The following BAZ2A variants were observed in gnomAD, a reference collection of about 807,000 sequenced individuals.
BAZ2A encodes the protein bromodomain adjacent to zinc finger domain protein 2A.
Under a neutral mutation model 199.9 loss-of-function variants are expected in BAZ2A, and 34 were observed. The observed-to-expected ratio is 0.17, with a 90% confidence interval of 0.13 to 0.23. The LOEUF (loss-of-function observed/expected upper bound fraction) is 0.23. Ranked by LOEUF, BAZ2A falls within the 10% of genes least tolerant of loss-of-function variation. BAZ2A has a pLI of 1.00. For synonymous variants in BAZ2A, 857 were observed against 883.9 expected (o/e 0.97, Z 0.54); for missense variants, 2,002 against 2,391.1 (o/e 0.84, Z 3.39).
upstream of BAZ2A, among the ~76,000 whole-genome samples, chr12:56,634,322 GGTTCTGGGGGAGGGGCCTTCCTA>G (rs1951392397): frequency 6.6e-6 from 1 of 152,122 alleles, no homozygotes. Context: ...CCAGCTCCCA[GGTTCTGGGGGAGGGGCCTTCCTA>G]GGCTGCACCG....
chr12:56,634,798 T>G, upstream of BAZ2A: 1 of 689,230 alleles, frequency 1.5e-6, no homozygotes, highest in Non-Finnish European at 1.8e-6. Context: ...AATGGGCGAG[T>G]AGATAGTTCA....
chr12:56,600,932 A>C lies in BAZ2A; in HGVS notation c.4450+11T>G. On this transcript the variant is annotated intron_variant, in intron 22 of 28. Transcript: ENST00000549884. ...CTCTTCAGCTCAAGCTGGGTGTAGG[A>C]ATGTATTTACCAGCTGAGGGCCGCA... is the stretch of plus-strand genomic sequence containing the variant. 6.2e-7 allele frequency: 1 copy of C among 1,613,490 alleles called. No homozygotes were observed. Among genetic ancestry groups the C allele is most frequent in the Non-Finnish European group, 8.5e-7 (1 of 1,179,642 alleles).
chr12:56,629,169 C>T (rs1467996195), intron 1 of BAZ2A, among the ~76,000 whole-genome samples: 2 of 152,168 alleles, frequency 1.3e-5, no homozygotes, highest in African/African-American at 4.8e-5. Context: ...AGCAAACGCA[C>T]AGCTGCCATT....
At position 56,603,735 on chromosome 12, in the gene BAZ2A, A is replaced by G. The variant is rs1193592405; in HGVS notation, c.3039-35T>C. The G allele has an allele frequency of 3.1e-6, 5 of 1,610,116 alleles. No individual in the cohort carries two copies. The African/African-American group carries it at 6.7e-5, about 22-fold the overall frequency. Reference sequence around the variant, plus strand: ...GATGGAGAAAGATTAAGGGAAGGCCAAGTGTGGTGGCTCACACCTGTAATT... The same window carrying G: ...GATGGAGAAAGATTAAGGGAAGGCCGAGTGTGGTGGCTCACACCTGTAATT... On this transcript the variant is annotated intron_variant, in intron 16 of 28. Coordinates refer to ENST00000549884, the MANE Select transcript of BAZ2A (RefSeq NM_001300905.2).
In BAZ2A at chr12:56,604,718, T is replaced by C. The variant is rs751874799; in HGVS notation, c.2830A>G (p.Met944Val). 1 of 1,613,776 alleles carries C rather than the reference T, an allele frequency of 6.2e-7. No individual in the cohort carries two copies. The highest frequency in any genetic ancestry group is 1.1e-5 in the South Asian group (1 of 91,014). Residue 944 changes from methionine (M) to valine (V), a missense_variant, in exon 15 of 29, where the codon ATG (methionine) becomes GTG (valine). Around this residue, in one of 6 missense-constraint regions of BAZ2A, gnomAD observed 1,081 missense variants for 1,274.7 expected, o/e 0.85. Transcript: ENST00000549884. ...NVSEILRCFLMAYGVEPALCD... is the reference protein window; with the variant it reads ...NVSEILRCFLVAYGVEPALCD... ...AGGGCTGGCTCTACTCCATATGCCA[T>C]AAGGAAGCAGCGCAGGATCTCTGAC...
chr12:56,613,635 A>C (rs768355301), intron 4 of BAZ2A, among the ~76,000 whole-genome samples: 1 of 152,242 alleles, frequency 6.6e-6, no homozygotes, highest in Non-Finnish European at 1.5e-5. Flanking sequence ...CTGCTCACTG[A>C]CAAATGTTTT....
In BAZ2A at chr12:56,605,783, G is replaced by GAA. The variant is rs1479291816; in HGVS notation, c.2493+45_2493+46dup. ...AGAAGTCCTTTTTTTTTTTTTAAAG[G>GAA]AAAGTCTTCCCAGCTGACCCAGGAA... On this transcript the variant is annotated intron_variant, in intron 13 of 28. Transcript: ENST00000549884. 5.3e-6 allele frequency: 8 copies of GAA among 1,499,166 alleles called. No individual in the cohort carries two copies. The Admixed American group carries it at 9.5e-5, about 18-fold the overall frequency. The allele number at this position is 1,499,166 out of a possible 1,614,324, so 92.9% of individuals were successfully genotyped here.
chr12:56,596,149 T>C lies in BAZ2A; in HGVS notation c.*2469A>G. On this transcript the variant is annotated 3_prime_UTR_variant, in exon 29 of 29. Transcript: ENST00000549884. ...TCAAAAAGTCACTAAAACACCACAT[T>C]TGGTTATATAAAAAGTCCCTTTTGC... 1 of 152,726 alleles carries C rather than the reference T, an allele frequency of 6.5e-6. No individual in the cohort carries two copies. The highest frequency in any genetic ancestry group is 1.5e-5 in the Non-Finnish European group (1 of 68,058). The allele number at this position is 152,726 out of a possible 1,614,324, so 9.5% of individuals were successfully genotyped here.
chr12:56,605,964 TCAC>T lies in BAZ2A; in HGVS notation c.2356_2358del (p.Val786del). 6.4e-7 allele frequency: 1 copy of T among 1,554,802 alleles called. No homozygotes were observed. Among genetic ancestry groups the T allele is most frequent in the East Asian group, 2.4e-5 (1 of 41,118 alleles). On this transcript the variant is annotated inframe_deletion, in exon 13 of 29. Transcript: ENST00000549884. Reference sequence around the variant, plus strand: ...GCTTTACAGGCTGGCTTGGCTTTGGTCACCTCCTCCTTTTCCTTCATTTTTACC... The same window carrying T: ...GCTTTACAGGCTGGCTTGGCTTTGGTCTCCTCCTTTTCCTTCATTTTTACC...
At position 56,606,735 on chromosome 12, in the gene BAZ2A, T is replaced by C. The variant is rs1350447735; in HGVS notation, c.2093-2A>G. On this transcript the variant is annotated splice_acceptor_variant, in intron 10 of 28. Transcript: ENST00000549884. LOFTEE classifies it high-confidence loss of function. Reference sequence around the variant, plus strand: ...CTTTATCCTCCTCATTCAATGTTTCTGTGAGAGCAGAAAGAAAAATGAAAC... The same window carrying C: ...CTTTATCCTCCTCATTCAATGTTTCCGTGAGAGCAGAAAGAAAAATGAAAC... The C allele has an allele frequency of 6.2e-7, 1 of 1,612,754 alleles. No homozygotes were observed. The highest frequency in any genetic ancestry group is 2.2e-5 in the East Asian group (1 of 44,866).
Position 56,630,233 on chromosome 12 carries a change from AG to A in BAZ2A, c.-112del. 1.1e-6 allele frequency: 1 copy of A among 921,044 alleles called. No individual in the cohort carries two copies. Among genetic ancestry groups the A allele is most frequent in the Non-Finnish European group, 1.3e-6 (1 of 771,048 alleles). The allele number at this position is 921,044 out of a possible 1,614,324, so 57.1% of individuals were successfully genotyped here. On this transcript the variant is annotated 5_prime_UTR_variant, in exon 1 of 29. Coordinates refer to ENST00000549884, the MANE Select transcript of BAZ2A (RefSeq NM_001300905.2). Reference sequence around the variant, plus strand: ...GAACGGGTGGAGACGCCCGCTGGGGAGGGGGTCTGGGGTCCGGGGTTCGGGA... The same window carrying A: ...GAACGGGTGGAGACGCCCGCTGGGGAGGGGTCTGGGGTCCGGGGTTCGGGA...
chr12:56,611,269 C>T (rs1344507134), intron 7 of BAZ2A: 6 of 480,912 alleles, frequency 1.2e-5, no homozygotes, highest in Non-Finnish European at 2.2e-5. Flanking sequence ...AGAAATAGGA[C>T]AAGCCAGCTG....
intron 1 of BAZ2A, among the ~76,000 whole-genome samples, chr12:56,625,155 T>C (rs1416258001): frequency 1.5e-5 from 1 of 65,788 alleles, no homozygotes; most frequent in East Asian, 3.7e-4. Context: ...TTAGAATTTC[T>C]TTTTTTTTTT....
Position 56,603,838 on chromosome 12 carries a change from C to A in BAZ2A, c.3039-138G>T, listed in dbSNP as rs921284436. On this transcript the variant is annotated intron_variant, in intron 16 of 28. Coordinates refer to ENST00000549884, the MANE Select transcript of BAZ2A (RefSeq NM_001300905.2). ...GACCAGCCTGGCCAACATGGTGAAA[C>A]CCTGTCTCTACTAAAAATACAAAAA... The A allele has an allele frequency of 3.1e-6, 3 of 957,972 alleles. No homozygotes were observed. The African/African-American group carries it at 5.0e-5, about 16-fold the overall frequency. 59.3% of individuals were successfully genotyped at this position (957,972 alleles called of 1,614,324 possible). A position where few individuals can be genotyped will look rare whatever the true frequency, so the allele number is the denominator to read the frequency against.
chr12:56,610,590 C>G, intron 7 of BAZ2A, 73 bp from the exon 8 acceptor site: 1 of 1,382,676 alleles, frequency 7.2e-7, no homozygotes, highest in Admixed American at 2.0e-5. Context: ...AAGCGCGAAG[C>G]CCTCTGAGCA....
intron 1 of BAZ2A, chr12:56,620,986 T>C: frequency 1.2e-6 from 1 of 829,756 alleles, no homozygotes; most frequent in South Asian, 5.5e-5. Flanking sequence ...TAGTCTCCAG[T>C]TAGGTTCCTT....
chr12:56,636,304 T>A, exon 1 of BAZ2A: 1 of 1,489,714 alleles, frequency 6.7e-7, no homozygotes, highest in Non-Finnish European at 9.0e-7. Flanking sequence ...CTAGCAAGAA[T>A]CAAAAAGCCA....
rs1170740359 is a variant in BAZ2A, at chr12:56,599,264, C to T, written c.5267G>A (p.Gly1756Asp). 6 of 1,613,264 alleles carry T rather than the reference C, an allele frequency of 3.7e-6. No homozygotes were observed. Among genetic ancestry groups the T allele is most frequent in the Middle Eastern group, 1.6e-4 (1 of 6,078 alleles). ...GYSLNFSEGDGRRRRVLLRGR... is the reference protein window; with the variant it reads ...GYSLNFSEGDDRRRRVLLRGR... ...CCTCAACAGTACCCGGCGTCGGCGG[C>T]CATCACCCTCTGAGAAGTTCAGCGA... is the stretch of plus-strand genomic sequence containing the variant. Residue 1756 changes from glycine to aspartate, a missense_variant, in exon 27 of 29, where the codon GGC becomes GAC. Around this residue, in one of 6 missense-constraint regions of BAZ2A, gnomAD observed 122 missense variants for 123.0 expected, o/e 0.99. Transcript: ENST00000549884.
chr12:56,614,982 T>C (rs1950671985), intron 3 of BAZ2A, 32 bp downstream of exon 3: 1 of 1,583,874 alleles, frequency 6.3e-7, no homozygotes, highest in Non-Finnish European at 8.6e-7. Context: ...CCATTTTTCC[T>C]TTCCCCACCC....
Sources: allele counts gnomAD v4.1 joint callset (sites outside exome capture counted in the v4.1 genomes callset), GRCh38; gene constraint gnomAD v4.1.1; regional missense constraint gnomAD v4.1.1; transcripts MANE v1.5; gene names NCBI Gene and HGNC (gene_info 2026-07-23, HGNC 2026-07-21).